EPHB1: variants seen among roughly 807,000 people sequenced by gnomAD.
The protein encoded by EPHB1 is EPH receptor B1, also known as ephrin type-B receptor 1.
Under a neutral mutation model 94.4 loss-of-function variants are expected in EPHB1, and 30 were observed. That is an observed-to-expected ratio of 0.32 (90% CI 0.24 to 0.43). The LOEUF (loss-of-function observed/expected upper bound fraction) is 0.43, where lower values mean the gene tolerates loss of function less well. Ranked by LOEUF, EPHB1 falls within the 20% of genes least tolerant of loss-of-function variation. EPHB1 has a pLI of 1.00. For missense variants in EPHB1, 1,055 were observed against 1,308.3 expected, an observed-to-expected ratio of 0.81 and a Z score of 2.99; for synonymous variants, 522 against 489.1, an observed-to-expected ratio of 1.07 and a Z score of -0.89.
intron 4 of EPHB1, among the ~76,000 whole-genome samples, chr3:135,107,845 C>A (rs1211774487): frequency 6.6e-6 from 1 of 152,032 alleles, no homozygotes; most frequent in South Asian, 2.1e-4. Flanking sequence ...TTTCTACAGA[C>A]CTCTCTCTCT....
At chr3:134,825,300 G>T (rs530959044) in intron 1 of EPHB1, among the ~76,000 whole-genome samples, 1 of 152,330 alleles carries the variant, frequency 6.6e-6, no homozygotes, top group Admixed American at 6.5e-5. Flanking sequence ...TCAGTTTGGC[G>T]ACATAAATGT....
chr3:135,166,913 G>C, intron 8 of EPHB1, 29 bp from the exon 9 acceptor site: 1 of 1,613,470 alleles, frequency 6.2e-7, no homozygotes. Flanking sequence ...GTGCCCTGTG[G>C]CTGAGAGAGC....
chr3:135,116,761 C>T (rs539668849), intron 4 of EPHB1, among the ~76,000 whole-genome samples: 1 of 152,324 alleles, frequency 6.6e-6, no homozygotes, highest in Non-Finnish European at 1.5e-5. Flanking sequence ...TCTGAGCTTG[C>T]AGCCTTCTAC....
At chr3:134,896,686 C>T (rs11929546) in intron 1 of EPHB1, among the ~76,000 whole-genome samples, 3 of 152,260 alleles carry the variant, frequency 2.0e-5, no homozygotes, top group Admixed American at 6.5e-5. Flanking sequence ...TGCTCTGAAG[C>T]CTTGGCTCAT....
At chr3:135,208,665 CAG>C (rs1259575771) in intron 12 of EPHB1, among the ~76,000 whole-genome samples, 10 of 152,070 alleles carry the variant, frequency 6.6e-5, no homozygotes, top group African/African-American at 2.4e-4. Context: ...ACTGTGGGAA[CAG>C]AGGTATAAAT....
At chr3:135,039,691 T>C (rs964996785) in intron 3 of EPHB1, among the ~76,000 whole-genome samples, 3 of 152,148 alleles carry the variant, frequency 2.0e-5, no homozygotes, top group Non-Finnish European at 2.9e-5. Flanking sequence ...CCCCCCTTGC[T>C]CGGGGCCAGC....
intron 3 of EPHB1, among the ~76,000 whole-genome samples, chr3:135,075,505 C>A (rs1337279724): frequency 6.6e-6 from 1 of 152,158 alleles, no homozygotes; most frequent in Non-Finnish European, 1.5e-5. Flanking sequence ...TCCCATGGAC[C>A]TGCTGAGGTA....
chr3:134,891,864 T>A (rs2037990484), intron 1 of EPHB1, among the ~76,000 whole-genome samples: 1 of 152,232 alleles, frequency 6.6e-6, no homozygotes, highest in Non-Finnish European at 1.5e-5. Flanking sequence ...GAACCAGTTT[T>A]CTTCTCTATA....
Position 135,132,875 on chromosome 3 carries a change from G to A in EPHB1, c.1123G>A (p.Asp375Asn), listed in dbSNP as rs150028142. The change falls in exon 5 of 16, where the codon GAC (aspartate) becomes AAC (asparagine). Residue 375 changes from aspartate to asparagine, a missense_variant. Transcript: ENST00000398015. ...ADRRSCSRCDDNVEFVPRQLG... is the reference protein window; with the variant it reads ...ADRRSCSRCDNNVEFVPRQLG... ...CCGCCGGAGCTGCTCCCGCTGTGAC[G>A]ACAATGTGGAGTTTGTGCCCAGGCA... 7 of 1,613,912 alleles carry A rather than the reference G, an allele frequency of 4.3e-6. No individual in the cohort carries two copies. The highest frequency in any genetic ancestry group is 1.7e-5 in the Admixed American group (1 of 60,014).
At chr3:135,178,229 G>GGGGC (rs1553744909) in intron 9 of EPHB1, among the ~76,000 whole-genome samples, 1 of 148,314 alleles carries the variant, frequency 6.7e-6, no homozygotes, top group African/African-American at 2.5e-5. Context: ...CGGGGAGGGG[G>GGGGC]GGTGGATCAT....
At chr3:135,086,850 C>T (rs1938379544) in intron 3 of EPHB1, among the ~76,000 whole-genome samples, 1 of 152,132 alleles carries the variant, frequency 6.6e-6, no homozygotes, top group Non-Finnish European at 1.5e-5. Context: ...GTGGCCAGCT[C>T]AGGGCTTGAA....
intron 3 of EPHB1, among the ~76,000 whole-genome samples, chr3:134,958,949 A>G (rs1189740097): frequency 1.3e-5 from 2 of 152,202 alleles, no homozygotes; most frequent in East Asian, 1.9e-4. Context: ...AGAAGCACCC[A>G]AATTCCACTA....
chr3:135,092,647 T>C (rs1222340210), intron 3 of EPHB1, among the ~76,000 whole-genome samples: 1 of 140,696 alleles, frequency 7.1e-6, no homozygotes, highest in Non-Finnish European at 1.6e-5. Context: ...TCTTTCCTTC[T>C]GGCAGAGTCT....
chr3:135,106,675 AG>A, intron 4 of EPHB1, 72 bp downstream of exon 4: 2 of 1,571,988 alleles, frequency 1.3e-6, no homozygotes, highest in Non-Finnish European at 1.7e-6. Context: ...GTCTGGGGCA[AG>A]GAAGAGAAGA....
intron 1 of EPHB1, among the ~76,000 whole-genome samples, chr3:134,800,138 C>T (rs1301642873): frequency 6.6e-6 from 1 of 152,118 alleles, no homozygotes; most frequent in Non-Finnish European, 1.5e-5. Flanking sequence ...GCCTTTTCAT[C>T]TCCCAGCTCT....
At chr3:135,202,849 G>A (rs1398166382) in intron 12 of EPHB1, among the ~76,000 whole-genome samples, 1 of 152,182 alleles carries the variant, frequency 6.6e-6, no homozygotes, top group Non-Finnish European at 1.5e-5. Flanking sequence ...AATACCATTT[G>A]ACCGAGCAAT....
intron 15 of EPHB1, among the ~76,000 whole-genome samples, chr3:135,257,296 C>A (rs1245362566): frequency 3.3e-5 from 5 of 152,198 alleles, no homozygotes; most frequent in Admixed American, 1.3e-4. Flanking sequence ...AGGCGCTCTG[C>A]TTTTTAAAGT....
At chr3:135,088,971 C>G (rs1427725039) in intron 3 of EPHB1, among the ~76,000 whole-genome samples, 1 of 152,168 alleles carries the variant, frequency 6.6e-6, no homozygotes, top group African/African-American at 2.4e-5. Context: ...ATTCAATCAT[C>G]AAAACAACTC....
rs767217572 is a variant in EPHB1, at chr3:135,161,990, A to G, written c.1423-28A>G. 363 of 1,588,084 alleles carry G rather than the reference A, an allele frequency of 2.3e-4. 3 individuals are homozygous for G. The highest frequency in any genetic ancestry group is 1.1e-5 in the Non-Finnish European group (13 of 1,165,908). On this transcript the variant is annotated intron_variant, in intron 6 of 15. Transcript: ENST00000398015. ...GGGGTGTAGCCTTCAGGAATGGGAT[A>G]GTGACCCTTTCCCTTGCTTTCTTTT...
Sources: allele counts gnomAD v4.1 joint callset (sites outside exome capture counted in the v4.1 genomes callset), GRCh38; gene constraint gnomAD v4.1.1; transcripts MANE v1.5; gene names NCBI Gene and HGNC (gene_info 2026-07-23, HGNC 2026-07-21).